COMMD10: variants seen among roughly 807,000 people sequenced by gnomAD.
COMMD10 encodes the protein COMM domain containing 10.
COMMD10 carries 33 observed loss-of-function variants against 28.9 expected under a neutral mutation model. That is an observed-to-expected ratio of 1.14 (90% CI 0.87 to 1.53). COMMD10 has a LOEUF of 1.53. Among genes scored for constraint, COMMD10 ranks in the 40% most tolerant of loss-of-function variants. The probability of loss-of-function intolerance (pLI) is 0.00; values close to 1 mark genes in which losing one functional copy is unlikely to be tolerated. For synonymous variants in COMMD10, 110 were observed against 81.7 expected (o/e 1.35, Z -1.87); for missense variants, 310 against 233.4 (o/e 1.33, Z -2.14).
Position 116,093,153 on chromosome 5 carries a change from C to T in COMMD10, c.399+453C>T, listed in dbSNP as rs138630076. On this transcript the variant is annotated intron_variant, in intron 4 of 6. Coordinates refer to ENST00000274458, the MANE Select transcript of COMMD10 (RefSeq NM_016144.4). ...CAGTAGTGCAAAACTATCGCAATTT[C>T]GATATACTTTTACTTTTGATCTCTT... Among the ~76,000 whole-genome samples, 841 of 152,222 alleles carry T rather than the reference C, an allele frequency of 5.5e-3. 5 individuals are homozygous for T. The highest frequency in any genetic ancestry group is 0.019 in the African/African-American group (804 of 41,526).
chr5:116,188,583 CTTTCTTTCTTTT>C (rs1748225460), intron 5 of COMMD10: 1 of 150,614 alleles, frequency 6.6e-6, no homozygotes, highest in South Asian at 2.1e-4. Context: ...TTCTTTCTTT[CTTTCTTTCTTTT>C]CTTCTTTTTC....
chr5:116,211,095 G>A (rs1014293623), intron 5 of COMMD10, among the ~76,000 whole-genome samples: 2 of 151,958 alleles, frequency 1.3e-5, no homozygotes, highest in Non-Finnish European at 2.9e-5. Flanking sequence ...TTATATTAGA[G>A]TTCTTCAGAG....
intron 5 of COMMD10, among the ~76,000 whole-genome samples, chr5:116,219,170 G>A (rs981745614): frequency 3.3e-5 from 5 of 152,248 alleles, no homozygotes; most frequent in East Asian, 3.9e-4. Context: ...TTCCAGAACT[G>A]AAAGTCTGGA....
chr5:116,177,722 A>G (rs1753562302), intron 5 of COMMD10, among the ~76,000 whole-genome samples: 1 of 152,100 alleles, frequency 6.6e-6, no homozygotes, highest in Admixed American at 6.6e-5. Context: ...TTGCGTCTGG[A>G]AAAATCTATC....
chr5:116,094,307 C>T (rs966668840), intron 4 of COMMD10, among the ~76,000 whole-genome samples: 1 of 152,266 alleles, frequency 6.6e-6, no homozygotes, highest in East Asian at 1.9e-4. Flanking sequence ...ATACAAGGAA[C>T]TCAAACATCT....
At chr5:116,285,330 T>C (rs1235455475) in intron 5 of COMMD10, among the ~76,000 whole-genome samples, 1 of 151,968 alleles carries the variant, frequency 6.6e-6, no homozygotes, top group African/African-American at 2.4e-5. Context: ...CTCCTTGGGA[T>C]TCTATGTCAG....
At chr5:116,195,236 T>A (rs566363915) in intron 5 of COMMD10, among the ~76,000 whole-genome samples, 1 of 152,202 alleles carries the variant, frequency 6.6e-6, no homozygotes, top group South Asian at 2.1e-4. Context: ...TTGAAAGCAT[T>A]TCCTCTGAGA....
intron 5 of COMMD10, among the ~76,000 whole-genome samples, chr5:116,141,683 G>A (rs754451475): frequency 5.3e-5 from 8 of 151,698 alleles, no homozygotes; most frequent in Admixed American, 1.3e-4. Context: ...GTATAGTAGC[G>A]GGGGGCTGGG....
Position 116,180,989 on chromosome 5 carries a change from C to A in COMMD10, c.510+46811C>A, listed in dbSNP as rs185513906. On this transcript the variant is annotated intron_variant, in intron 5 of 6. Transcript: ENST00000274458. Reference sequence around the variant, plus strand: ...ACAACATGGTGAAACCCTGTTTCTACAAAAATTACCTGGGCATGATGACAC... The same window carrying A: ...ACAACATGGTGAAACCCTGTTTCTAAAAAAATTACCTGGGCATGATGACAC... Among the ~76,000 whole-genome samples the A allele has an allele frequency of 8.0e-3, 1,216 of 151,990 alleles. 21 individuals carry two copies. Among genetic ancestry groups the A allele is most frequent in the African/African-American group, 0.027 (1,140 of 41,460 alleles).
At chr5:116,288,646 C>T (rs748578446) in intron 5 of COMMD10, among the ~76,000 whole-genome samples, 1 of 151,488 alleles carries the variant, frequency 6.6e-6, no homozygotes, top group Non-Finnish European at 1.5e-5. Flanking sequence ...TCTTTTTTCT[C>T]CTCTGCTCAG....
At chr5:116,175,273 A>C (rs911436880) in intron 5 of COMMD10, among the ~76,000 whole-genome samples, 3 of 151,964 alleles carry the variant, frequency 2.0e-5, no homozygotes, top group Non-Finnish European at 2.9e-5. Context: ...TTAAAAAAAA[A>C]TTGCTGCAGC....
intron 5 of COMMD10, among the ~76,000 whole-genome samples, chr5:116,187,990 A>G (rs1309287734): frequency 6.6e-6 from 1 of 152,188 alleles, no homozygotes; most frequent in Non-Finnish European, 1.5e-5. Context: ...TTTCAAGTAT[A>G]TAGATTCAGA....
At chr5:116,262,752 A>T (rs1475893543) in intron 5 of COMMD10, among the ~76,000 whole-genome samples, 1 of 151,796 alleles carries the variant, frequency 6.6e-6, no homozygotes, top group Non-Finnish European at 1.5e-5. Context: ...TTATAGCCTC[A>T]TTACTCATTC....
chr5:116,282,629 T>C (rs1030443655), intron 5 of COMMD10, among the ~76,000 whole-genome samples: 1 of 151,930 alleles, frequency 6.6e-6, no homozygotes, highest in Non-Finnish European at 1.5e-5. Context: ...CACAATTCTG[T>C]AGGCTAGAAG....
Position 116,212,173 on chromosome 5 carries a change from G to A in COMMD10, c.510+77995G>A, listed in dbSNP as rs371114079. On this transcript the variant is annotated intron_variant, in intron 5 of 6. Coordinates refer to ENST00000274458, the MANE Select transcript of COMMD10 (RefSeq NM_016144.4). ...TTCAAAAGTTGATTTAATTCATAAT[G>A]TAACTTAGCGTAATATAAATAATAC... Among the ~76,000 whole-genome samples, 20 of 152,048 alleles carry A rather than the reference G, an allele frequency of 1.3e-4. 2 individuals are homozygous for A. The highest frequency in any genetic ancestry group is 9.6e-4 in the East Asian group (5 of 5,186).
chr5:116,206,036 C>A (rs1748803683), intron 5 of COMMD10, among the ~76,000 whole-genome samples: 1 of 152,122 alleles, frequency 6.6e-6, no homozygotes, highest in Non-Finnish European at 1.5e-5. Context: ...AAAATTTCAT[C>A]ATACTTAATT....
chr5:116,104,632 T>G (rs936246262), intron 4 of COMMD10, among the ~76,000 whole-genome samples: 1 of 152,224 alleles, frequency 6.6e-6, no homozygotes, highest in Middle Eastern at 3.4e-3. Context: ...TTTTCTTTTT[T>G]TTTTTGAGAC....
intron 5 of COMMD10, among the ~76,000 whole-genome samples, chr5:116,265,933 A>C (rs1230065336): frequency 1.3e-5 from 2 of 151,776 alleles, no homozygotes; most frequent in African/African-American, 4.9e-5. Flanking sequence ...GGTAATACAT[A>C]TTCAGAGAAA....
chr5:116,139,966 G>A (rs1449221025), intron 5 of COMMD10, among the ~76,000 whole-genome samples: 1 of 151,588 alleles, frequency 6.6e-6, no homozygotes, highest in Non-Finnish European at 1.5e-5. Flanking sequence ...TAGTCCTGAT[G>A]CTGTACATCA....
Sources: gnomAD v4.1 joint callset for allele counts (sites outside exome capture counted in the v4.1 genomes callset) on GRCh38, gnomAD v4.1.1 for gene constraint, MANE v1.5 for transcripts, NCBI Gene and HGNC (gene_info 2026-07-23, HGNC 2026-07-21) for gene names.